Variants in FMN2 observed in about 807,000 individuals in gnomAD.
FMN2 encodes formin-2.
FMN2 carries 51 observed loss-of-function variants against 142.3 expected under a neutral mutation model. The ratio of observed to expected loss-of-function variants is 0.36; its 90% CI spans 0.29 to 0.45. FMN2 has a LOEUF of 0.45. Ranked by LOEUF, FMN2 falls within the 20% of genes least tolerant of loss-of-function variation. FMN2 has a pLI of 1.00. For missense variants in FMN2, 1,936 were observed against 2,122.8 expected (o/e 0.91, Z 1.73); for synonymous variants, 882 against 869.8 (o/e 1.01, Z -0.25).
chr1:240,163,239 C>T (rs1664351152), intron 2 of FMN2, among the ~76,000 whole-genome samples: 1 of 152,076 alleles, frequency 6.6e-6, no homozygotes, highest in Non-Finnish European at 1.5e-5. Flanking sequence ...AGGTAAATTG[C>T]TGATTATGTT....
At chr1:240,385,114 T>A (rs2103087028) in intron 14 of FMN2, among the ~76,000 whole-genome samples, 1 of 152,304 alleles carries the variant, frequency 6.6e-6, no homozygotes, top group Admixed American at 6.5e-5. Flanking sequence ...CTTTAAGCAT[T>A]GTTTTGGCAA....
At chr1:240,378,817 T>G (rs1673133014) in intron 14 of FMN2, among the ~76,000 whole-genome samples, 2 of 152,222 alleles carry the variant, frequency 1.3e-5, no homozygotes, top group South Asian at 4.1e-4. Context: ...TTCTTTTGTT[T>G]ATATCATCCA....
intron 4 of FMN2, among the ~76,000 whole-genome samples, chr1:240,194,947 A>AT (rs3047199): frequency 5.1e-4 from 77 of 151,494 alleles, no homozygotes; most frequent in Admixed American, 2.8e-3. Context: ...CTATCTCTAC[A>AT]TTTTTTTTTT....
chr1:240,447,785 A>G (rs528639256), intron 16 of FMN2, among the ~76,000 whole-genome samples: 47 of 152,298 alleles, frequency 3.1e-4, no homozygotes, highest in African/African-American at 1.1e-3. Flanking sequence ...CTAAACTTAG[A>G]TGGTTTTAGA....
At chr1:240,330,513 T>C (rs969481631) in intron 10 of FMN2, 90 bp from the exon 11 acceptor site, 3 of 1,371,838 alleles carry the variant, frequency 2.2e-6, no homozygotes, top group South Asian at 1.3e-5. Context: ...AAACTCCTAA[T>C]ATAATATAAA....
intron 13 of FMN2, among the ~76,000 whole-genome samples, chr1:240,349,954 A>AT (rs34827249): frequency 0.36 from 51,671 of 144,622 alleles, 9,468 homozygotes; most frequent in African/African-American, 0.49. Flanking sequence ...AGTGTTCGGT[A>AT]TTTTTTTTTT....
At chr1:240,256,322 C>T (rs1214576397) in intron 6 of FMN2, among the ~76,000 whole-genome samples, 1 of 152,004 alleles carries the variant, frequency 6.6e-6, no homozygotes, top group Non-Finnish European at 1.5e-5. Flanking sequence ...CCTCATCTTT[C>T]TAGGTGGAAT....
chr1:240,469,412 G>A lies in FMN2; in HGVS notation c.5061-2960G>A, dbSNP rs79428091. ...CATTTATGTGTGCATAACTAGAGGC[G>A]CTTAGAGTGAGGTGACTGACTCATC... is the stretch of plus-strand genomic sequence containing the variant. On this transcript the variant is annotated intron_variant, in intron 16 of 17. Transcript: ENST00000319653. 7.9e-4 allele frequency among the ~76,000 whole-genome samples: 120 copies of A among 152,192 alleles called. 1 individual carries two copies. In the East Asian group the frequency reaches 0.021, roughly 27 times the overall value.
chr1:240,249,894 A>C (rs1668220830), intron 6 of FMN2, among the ~76,000 whole-genome samples: 1 of 151,994 alleles, frequency 6.6e-6, no homozygotes, highest in Admixed American at 6.5e-5. Context: ...TTTCTCAGCT[A>C]GTTCATTATT....
intron 6 of FMN2, among the ~76,000 whole-genome samples, chr1:240,219,608 C>A (rs990503644): frequency 6.6e-6 from 1 of 151,998 alleles, no homozygotes; most frequent in Admixed American, 6.6e-5. Context: ...TAAACTGTTT[C>A]TTTTTTAAAG....
At chr1:240,386,791 G>T (rs114225978) in intron 14 of FMN2, among the ~76,000 whole-genome samples, 2,585 of 152,246 alleles carry the variant, frequency 0.017, 65 homozygotes, top group African/African-American at 0.059. Context: ...ATGTTCAGTG[G>T]CACAGGACTG....
chr1:240,251,312 C>T lies in FMN2; in HGVS notation c.4066-6633C>T, dbSNP rs112761808. ...CTTCTAGGATTTTTTTTATTTCTTC[C>T]TTAATTTCTTCCTGGTCTCAGTAGT... is the stretch of plus-strand genomic sequence containing the variant. On this transcript the variant is annotated intron_variant, in intron 6 of 17. Coordinates refer to ENST00000319653, the MANE Select transcript of FMN2 (RefSeq NM_020066.5). Among the ~76,000 whole-genome samples the T allele has an allele frequency of 8.9e-3, 1,348 of 151,642 alleles. 23 individuals carry two copies. Among genetic ancestry groups the T allele is most frequent in the African/African-American group, 0.031 (1,264 of 41,380 alleles).
chr1:240,377,649 G>A (rs575716953), intron 14 of FMN2, among the ~76,000 whole-genome samples: 22 of 152,086 alleles, frequency 1.4e-4, no homozygotes, highest in African/African-American at 5.3e-4. Flanking sequence ...TTCTTGTGAT[G>A]TATCACTCTG....
At chr1:240,297,186 T>C (rs988648449) in intron 8 of FMN2, among the ~76,000 whole-genome samples, 1 of 152,148 alleles carries the variant, frequency 6.6e-6, no homozygotes, top group African/African-American at 2.4e-5. Context: ...TGTGTGTATC[T>C]ATATGTGTGT....
chr1:240,318,522 G>A (rs1670866293), intron 8 of FMN2, among the ~76,000 whole-genome samples: 1 of 152,004 alleles, frequency 6.6e-6, no homozygotes, highest in African/African-American at 2.4e-5. Context: ...TCATCACCAT[G>A]CTGTTAATGA....
At chr1:240,324,363 A>G (rs1470454880) in intron 8 of FMN2, among the ~76,000 whole-genome samples, 1 of 152,166 alleles carries the variant, frequency 6.6e-6, no homozygotes, top group African/African-American at 2.4e-5. Context: ...CTGTGCTACA[A>G]GAAATGGTTT....
intron 1 of FMN2, among the ~76,000 whole-genome samples, chr1:240,102,476 G>T (rs1661449372): frequency 6.6e-6 from 1 of 152,022 alleles, no homozygotes; most frequent in Non-Finnish European, 1.5e-5. Context: ...TAGATAATTG[G>T]CTTCTTTTTC....
rs538288477 is a variant in FMN2, at chr1:240,473,146, G to A, written c.5142+693G>A. 3.5e-4 allele frequency among the ~76,000 whole-genome samples: 53 copies of A among 152,068 alleles called. No individual in the cohort carries two copies. The highest frequency in any genetic ancestry group is 5.6e-4 in the Non-Finnish European group (38 of 68,006). ...AGATCCACTGGGATGTAAAGTTGGTGGGAAGCGCCAAGAGCAGTGTGACGC... is the reference window on the plus strand; with the variant it reads ...AGATCCACTGGGATGTAAAGTTGGTAGGAAGCGCCAAGAGCAGTGTGACGC... On this transcript the variant is annotated intron_variant, in intron 17 of 17. Coordinates refer to ENST00000319653, the MANE Select transcript of FMN2 (RefSeq NM_020066.5). This position sits in a 1 kb window ranked among gnomAD's most constrained non-coding sequence, Gnocchi z 4.3.
intron 8 of FMN2, among the ~76,000 whole-genome samples, chr1:240,312,720 A>G (rs960394027): frequency 6.6e-6 from 1 of 152,226 alleles, no homozygotes; most frequent in African/African-American, 2.4e-5. Flanking sequence ...CACAAAGTAC[A>G]TTTGATTATC....
Sources: allele counts gnomAD v4.1 joint callset (sites outside exome capture counted in the v4.1 genomes callset), GRCh38; gene constraint gnomAD v4.1.1; non-coding constraint Gnocchi (gnomAD v3.1); transcripts MANE v1.5; gene names NCBI Gene and HGNC (gene_info 2026-07-23, HGNC 2026-07-21).